DGAT2: variants seen among roughly 807,000 people sequenced by gnomAD.
The protein encoded by DGAT2 is acyl-CoA retinol O-fatty-acyltransferase.
In DGAT2, 33 loss-of-function variants were observed where a neutral mutation model predicts 48.4. The ratio of observed to expected loss-of-function variants is 0.68; its 90% confidence interval spans 0.52 to 0.91. DGAT2 has a LOEUF of 0.91. DGAT2 is among the 40% of genes least tolerant of loss of function. The probability of loss-of-function intolerance (pLI) is 0.00; values close to 1 mark genes in which losing one functional copy is unlikely to be tolerated. For synonymous variants in DGAT2, 191 were observed against 194.1 expected (o/e 0.98, Z 0.13); for missense variants, 446 against 493.7 (o/e 0.90, Z 0.92).
At position 75,778,985 on chromosome 11, in the gene DGAT2, C is replaced by T. The variant is rs142645980; in HGVS notation, c.122-5633C>T. ...GGCAAGGGCAGAGCTGGCCCAGGGCCCTCTTTCTCAGATTTAGGGGGTTGG... is the reference window on the plus strand; with the variant it reads ...GGCAAGGGCAGAGCTGGCCCAGGGCTCTCTTTCTCAGATTTAGGGGGTTGG... On this transcript the variant is annotated intron_variant, in intron 1 of 7. Transcript: ENST00000228027. Among the ~76,000 whole-genome samples, 538 of 152,276 alleles carry T rather than the reference C, an allele frequency of 3.5e-3. 7 individuals are homozygous for T. Among genetic ancestry groups the T allele is most frequent in the African/African-American group, 0.013 (521 of 41,540 alleles).
At chr11:75,774,809 A>G (rs1241308780) in intron 1 of DGAT2, among the ~76,000 whole-genome samples, 1 of 152,100 alleles carries the variant, frequency 6.6e-6, no homozygotes, top group African/African-American at 2.4e-5. Context: ...TTGGTGACCT[A>G]CTCGCAAGCT....
chr11:75,800,206 G>T, intron 7 of DGAT2, 148 bp from the exon 8 acceptor site: 1 of 1,067,446 alleles, frequency 9.4e-7, no homozygotes, highest in Non-Finnish European at 1.3e-6. Context: ...CTGTAATAGG[G>T]GACAACCAGA....
intron 1 of DGAT2, among the ~76,000 whole-genome samples, chr11:75,777,733 G>A (rs1054127147): frequency 2.6e-5 from 4 of 152,142 alleles, no homozygotes; most frequent in Non-Finnish European, 4.4e-5. Flanking sequence ...GGTGGAGGAC[G>A]CGGTGTGGGC....
chr11:75,797,127 C>T, intron 5 of DGAT2, 31 bp from the exon 6 acceptor site: 2 of 1,455,220 alleles, frequency 1.4e-6, no homozygotes, highest in Non-Finnish European at 1.8e-6. Flanking sequence ...CCATGGGCAA[C>T]CCTGACTGTT....
At chr11:75,776,399 G>A (rs1055099049) in intron 1 of DGAT2, 3 of 152,240 alleles carry the variant, frequency 2.0e-5, no homozygotes, top group African/African-American at 7.2e-5. Context: ...TGAGTACAGG[G>A]GTGAGATGGG....
chr11:75,796,253 C>A, intron 4 of DGAT2, 75 bp from the exon 5 acceptor site: 1 of 1,320,626 alleles, frequency 7.6e-7, no homozygotes, highest in Non-Finnish European at 1.1e-6. Context: ...CACATCCAAT[C>A]CCTCCCTACC....
At chr11:75,794,479 G>T (rs1189843410) in intron 4 of DGAT2, 1 of 152,196 alleles carries the variant, frequency 6.6e-6, no homozygotes, top group African/African-American at 2.4e-5. Flanking sequence ...TGTTATCCAG[G>T]AATTGTATTT....
At chr11:75,789,956 C>T (rs1270330506) in intron 2 of DGAT2, among the ~76,000 whole-genome samples, 7 of 152,304 alleles carry the variant, frequency 4.6e-5, no homozygotes, top group South Asian at 4.1e-4. Flanking sequence ...ATGGGCCCCT[C>T]GATGCCAGGA....
intron 4 of DGAT2, 87 bp from the exon 5 acceptor site, chr11:75,796,241 G>A: frequency 8.6e-7 from 1 of 1,166,620 alleles, no homozygotes. Context: ...CAGGGGAAAT[G>A]ACACATCCAA....
chr11:75,796,243 C>T, intron 4 of DGAT2, 85 bp from the exon 5 acceptor site: 9 of 1,184,392 alleles, frequency 7.6e-6, no homozygotes, highest in Non-Finnish European at 1.1e-5. Flanking sequence ...GGGGAAATGA[C>T]ACATCCAATC....
intron 1 of DGAT2, chr11:75,776,405 A>T (rs1944803452): frequency 2.0e-5 from 3 of 152,246 alleles, no homozygotes; most frequent in African/African-American, 7.2e-5. Flanking sequence ...CAGGGGTGAG[A>T]TGGGACAGGC....
rs187209118 is a variant in DGAT2, at chr11:75,774,266, C to T, written c.121+5154C>T. Among the ~76,000 whole-genome samples, 206 of 152,332 alleles carry T rather than the reference C, an allele frequency of 1.4e-3. 1 individual carries two copies. The highest frequency in any genetic ancestry group is 4.7e-3 in the African/African-American group (194 of 41,568). Reference sequence around the variant, plus strand: ...GTCAGGCCTGGGCTCTGTCCAGCTCCTGCTTGGCCACCGAACTGCTCCGCA... The same window carrying T: ...GTCAGGCCTGGGCTCTGTCCAGCTCTTGCTTGGCCACCGAACTGCTCCGCA... On this transcript the variant is annotated intron_variant, in intron 1 of 7. Transcript: ENST00000228027.
chr11:75,790,653 C>T lies in DGAT2; in HGVS notation c.359-8C>T, dbSNP rs1285287986. On this transcript the variant is annotated splice_polypyrimidine_tract_variant and splice_region_variant and intron_variant, in intron 3 of 7. Transcript: ENST00000228027. ...CCCCCACCAACTCTGTATTTTATTC[C>T]CTGGAAGGTGGCAGGAGGTCACAGT... is the stretch of plus-strand genomic sequence containing the variant. 1 of 1,613,778 alleles carries T rather than the reference C, an allele frequency of 6.2e-7. No homozygotes were observed. The highest frequency in any genetic ancestry group is 1.3e-5 in the African/African-American group (1 of 74,890).
intron 1 of DGAT2, among the ~76,000 whole-genome samples, chr11:75,781,342 A>C (rs1307789315): frequency 6.6e-6 from 1 of 152,230 alleles, no homozygotes; most frequent in Admixed American, 6.5e-5. Context: ...TCAGGTAAGC[A>C]AAGCAGGGAA....
chr11:75,790,116 C>G (rs1944968813), intron 2 of DGAT2, 72 bp from the exon 3 acceptor site: 2 of 1,119,450 alleles, frequency 1.8e-6, no homozygotes, highest in Admixed American at 3.4e-5. Context: ...AGTAAACACT[C>G]ACTCCATCCA....
At chr11:75,773,647 AG>A (rs2135757416) in intron 1 of DGAT2, 1 of 152,436 alleles carries the variant, frequency 6.6e-6, no homozygotes, top group South Asian at 2.1e-4. Context: ...TAGGGCATCC[AG>A]GAAGGCTTCA....
intron 2 of DGAT2, 28 bp from the exon 3 acceptor site, chr11:75,790,160 A>G (rs1944969342): frequency 6.5e-7 from 1 of 1,532,172 alleles, no homozygotes. Context: ...GCCCAGTAGG[A>G]CCTGACCTGT....
At chr11:75,784,800 A>G in intron 2 of DGAT2, 54 bp downstream of exon 2, 1 of 1,610,842 alleles carries the variant, frequency 6.2e-7, no homozygotes. Flanking sequence ...CACTTCCCCA[A>G]AAGAGGTAGA....
intron 4 of DGAT2, chr11:75,792,173 C>T (rs1034508113): frequency 5.3e-5 from 8 of 152,274 alleles, no homozygotes; most frequent in Admixed American, 2.0e-4. Context: ...CCTTTGCTAT[C>T]TGATCTCCAC....
Sources: allele counts gnomAD v4.1 joint callset (sites outside exome capture counted in the v4.1 genomes callset), GRCh38; gene constraint gnomAD v4.1.1; transcripts MANE v1.5; gene names NCBI Gene and HGNC (gene_info 2026-07-23, HGNC 2026-07-21).